The following HIVEP2 variants were observed in gnomAD, a reference collection of about 807,000 sequenced individuals.
HIVEP2 encodes the protein HIVEP zinc finger 2, also known as transcription factor HIVEP2.
HIVEP2 carries 14 observed loss-of-function variants against 180.7 expected under a neutral mutation model. That is an observed-to-expected ratio of 0.08 (90% CI 0.05 to 0.12). The LOEUF is 0.12. Among genes scored for constraint, HIVEP2 ranks in the 10% least tolerant of loss-of-function variants. The pLI is 1.00. For missense variants in HIVEP2, 2,579 were observed against 3,008.5 expected, an observed-to-expected ratio of 0.86 and a Z score of 3.34; for synonymous variants, 1,184 against 1,136.4, an observed-to-expected ratio of 1.04 and a Z score of -0.84.
intron 1 of HIVEP2, among the ~76,000 whole-genome samples, chr6:142,854,413 C>T (rs969606765): frequency 2.0e-5 from 3 of 152,140 alleles, no homozygotes; most frequent in African/African-American, 4.8e-5. Context: ...CTTTTTGGTA[C>T]ATGTCACTAG....
intron 2 of HIVEP2, among the ~76,000 whole-genome samples, chr6:142,805,230 G>T (rs1776516929): frequency 6.6e-6 from 1 of 152,104 alleles, no homozygotes. Flanking sequence ...GGAGGGCCTG[G>T]TATGTGACCC....
chr6:142,753,069 G>A lies in HIVEP2; in HGVS notation c.*38C>T, dbSNP rs1176601150. 1 of 1,289,582 alleles carries A rather than the reference G, an allele frequency of 7.8e-7. No homozygotes were observed. Among genetic ancestry groups the A allele is most frequent in the East Asian group, 2.3e-5 (1 of 43,210 alleles). 79.9% of individuals were successfully genotyped at this position (1,289,582 alleles called of 1,614,324 possible). On this transcript the variant is annotated 3_prime_UTR_variant, in exon 10 of 10. Transcript: ENST00000367603. ...TCTAGAAAAACAAAAACAAAAAAAT[G>A]GGAAAATGTGGAAATGAAAGTCTCC...
chr6:142,764,578 T>C (rs550946812), intron 7 of HIVEP2, among the ~76,000 whole-genome samples: 2 of 152,346 alleles, frequency 1.3e-5, no homozygotes, highest in South Asian at 4.1e-4. Context: ...ACAACTGGCC[T>C]GGACCTATGT....
intron 1 of HIVEP2, among the ~76,000 whole-genome samples, chr6:142,850,445 G>C (rs1483769634): frequency 6.6e-6 from 1 of 152,192 alleles, no homozygotes; most frequent in African/African-American, 2.4e-5. Context: ...GCATAACACT[G>C]TGGGGAAATC....
At chr6:142,938,262 C>T (rs1439261954) in intron 1 of HIVEP2, among the ~76,000 whole-genome samples, 1 of 152,188 alleles carries the variant, frequency 6.6e-6, no homozygotes, top group Non-Finnish European at 1.5e-5. Context: ...ATTACACAGG[C>T]ATGGCAACGC....
At chr6:142,894,664 G>A (rs1388465935) in intron 1 of HIVEP2, among the ~76,000 whole-genome samples, 1 of 152,168 alleles carries the variant, frequency 6.6e-6, no homozygotes, top group Non-Finnish European at 1.5e-5. Flanking sequence ...TGCTCCAAGT[G>A]CTTTACATTT....
intron 1 of HIVEP2, among the ~76,000 whole-genome samples, chr6:142,840,239 A>G (rs2114890641): frequency 6.6e-6 from 1 of 152,288 alleles, no homozygotes; most frequent in Non-Finnish European, 1.5e-5. Context: ...AGGGTTTCAA[A>G]GTGACTCTTG....
intron 2 of HIVEP2, among the ~76,000 whole-genome samples, chr6:142,809,434 G>A (rs1282250241): frequency 3.3e-5 from 5 of 152,144 alleles, no homozygotes; most frequent in East Asian, 1.9e-4. Flanking sequence ...TACTGCCCCC[G>A]TGTCTCTCTT....
chr6:142,809,165 G>A (rs375853855), intron 2 of HIVEP2, among the ~76,000 whole-genome samples: 1 of 152,090 alleles, frequency 6.6e-6, no homozygotes, highest in Non-Finnish European at 1.5e-5. Context: ...ATGAATGGCT[G>A]TAAATGGACC....
chr6:142,767,179 A>G (rs1775399174), intron 6 of HIVEP2, among the ~76,000 whole-genome samples: 1 of 152,232 alleles, frequency 6.6e-6, no homozygotes, highest in Non-Finnish European at 1.5e-5. Flanking sequence ...TGGTGCAAGT[A>G]CACTGCTATG....
At chr6:142,883,732 C>A (rs1776631056) in intron 1 of HIVEP2, among the ~76,000 whole-genome samples, 1 of 152,144 alleles carries the variant, frequency 6.6e-6, no homozygotes, top group Admixed American at 6.5e-5. Context: ...ATGAAATCGA[C>A]ATAAACAATG....
At chr6:142,844,020 A>G (rs370463598) in intron 1 of HIVEP2, among the ~76,000 whole-genome samples, 2 of 152,180 alleles carry the variant, frequency 1.3e-5, no homozygotes, top group African/African-American at 2.4e-5. Context: ...CTCCTGTAAC[A>G]TACTTTCGGA....
intron 7 of HIVEP2, among the ~76,000 whole-genome samples, chr6:142,764,565 G>A (rs1038662593): frequency 6.6e-6 from 1 of 152,136 alleles, no homozygotes; most frequent in African/African-American, 2.4e-5. Flanking sequence ...ACTTCCTTTG[G>A]AGACAACTGG....
intron 3 of HIVEP2, among the ~76,000 whole-genome samples, chr6:142,780,505 T>C (rs1034270148): frequency 3.3e-5 from 5 of 152,218 alleles, no homozygotes; most frequent in African/African-American, 1.2e-4. Flanking sequence ...ACGTCTCTTC[T>C]TGGAGTTTCT....
At chr6:142,850,946 T>A (rs1016831415) in intron 1 of HIVEP2, among the ~76,000 whole-genome samples, 24 of 152,300 alleles carry the variant, frequency 1.6e-4, no homozygotes, top group African/African-American at 5.3e-4. Flanking sequence ...AGTTTTACAG[T>A]CTGGTGGTTT....
At chr6:142,806,148 C>T (rs1051420866) in intron 2 of HIVEP2, among the ~76,000 whole-genome samples, 1 of 152,124 alleles carries the variant, frequency 6.6e-6, no homozygotes, top group Non-Finnish European at 1.5e-5. Flanking sequence ...TAGTCTTATT[C>T]ACTGTCAGTA....
chr6:142,913,752 TCCACAAGAAAAGTCAC>T (rs1172610724), intron 1 of HIVEP2, among the ~76,000 whole-genome samples: 1 of 152,198 alleles, frequency 6.6e-6, no homozygotes, highest in Non-Finnish European at 1.5e-5. Flanking sequence ...TGCATCACTT[TCCACAAGAAAAGTCAC>T]CCACTCTTGC....
Position 142,770,746 on chromosome 6 carries a change from T to G in HIVEP2, c.3993A>C (p.Gly1331=). 1 of 1,614,216 alleles carries G rather than the reference T, an allele frequency of 6.2e-7. No individual in the cohort carries two copies. Among genetic ancestry groups the G allele is most frequent in the Non-Finnish European group, 8.5e-7 (1 of 1,180,042 alleles). Reference sequence around the variant, plus strand: ...TCTGGATCCGAACAGGAACCACTGTTCCTGGGAGGGACTGCAAAGACCCAG... The same window carrying G: ...TCTGGATCCGAACAGGAACCACTGTGCCTGGGAGGGACTGCAAAGACCCAG... The part of the protein sequence containing the change: ...ANAGSLQSLP[G]TVVPVRIQTH... The change falls in exon 5 of 10, where the codon GGA becomes GGC. Residue 1331 remains glycine (G), a synonymous_variant. Transcript: ENST00000367603. The surrounding 1 kb of genome is among the most constrained non-coding windows in gnomAD (Gnocchi z 4.7).
chr6:142,904,379 T>C (rs1305952917), intron 1 of HIVEP2, among the ~76,000 whole-genome samples: 1 of 152,236 alleles, frequency 6.6e-6, no homozygotes, highest in East Asian at 1.9e-4. Flanking sequence ...TCACATATAC[T>C]TTCCTTTAAC....
Sources: gnomAD v4.1 joint callset for allele counts (sites outside exome capture counted in the v4.1 genomes callset) on GRCh38, gnomAD v4.1.1 for gene constraint, Gnocchi (gnomAD v3.1) non-coding constraint, MANE v1.5 for transcripts, NCBI Gene and HGNC (gene_info 2026-07-23, HGNC 2026-07-21) for gene names.